PTPRD: variants seen among roughly 807,000 people sequenced by gnomAD.
The protein encoded by PTPRD is protein tyrosine phosphatase receptor type D.
In PTPRD, 34 loss-of-function variants were observed where a neutral mutation model predicts 214.5. The ratio of observed to expected loss-of-function variants is 0.16; its 90% CI spans 0.12 to 0.21. PTPRD has a LOEUF of 0.21. PTPRD is among the 10% of genes least tolerant of loss of function. The pLI is 1.00. For missense variants in PTPRD, 2,545 were observed against 2,398.7 expected (o/e 1.06, Z -1.27); for synonymous variants, 1,128 against 845.7 (o/e 1.33, Z -5.79).
intron 11 of PTPRD, among the ~76,000 whole-genome samples, chr9:8,998,486 T>C (rs1217106896): frequency 1.3e-4 from 20 of 152,024 alleles, no homozygotes. Context: ...TGAGACCTAC[T>C]GCTTAGAAAA....
At chr9:10,502,532 T>C (rs540668097) in intron 2 of PTPRD, among the ~76,000 whole-genome samples, 12 of 152,170 alleles carry the variant, frequency 7.9e-5, no homozygotes, top group Admixed American at 3.3e-4. Flanking sequence ...AGGTCAGATG[T>C]TCTCATAAGT....
chr9:10,172,638 G>A (rs1014199326), intron 3 of PTPRD, among the ~76,000 whole-genome samples: 1 of 152,136 alleles, frequency 6.6e-6, no homozygotes, highest in Non-Finnish European at 1.5e-5. Context: ...CTCATTTAAT[G>A]CTGAACTGAA....
chr9:8,811,541 G>C (rs940629126), intron 11 of PTPRD, among the ~76,000 whole-genome samples: 6 of 152,134 alleles, frequency 3.9e-5, no homozygotes, highest in African/African-American at 1.4e-4. Context: ...AAACAGTCCT[G>C]AGGTCACTAA....
chr9:8,730,774 G>A (rs1233112454), intron 12 of PTPRD, among the ~76,000 whole-genome samples: 1 of 152,124 alleles, frequency 6.6e-6, no homozygotes, highest in Non-Finnish European at 1.5e-5. Context: ...ACAGCCGAAT[G>A]GTTCTCGGAG....
At chr9:10,028,878 T>C (rs1259904652) in intron 4 of PTPRD, among the ~76,000 whole-genome samples, 2 of 151,898 alleles carry the variant, frequency 1.3e-5, no homozygotes, top group Admixed American at 1.3e-4. Context: ...ACCAAGACAA[T>C]GAGGAAAATG....
At chr9:9,888,583 T>C (rs75012663) in intron 5 of PTPRD, among the ~76,000 whole-genome samples, 1,688 of 152,220 alleles carry the variant, frequency 0.011, 24 homozygotes, top group African/African-American at 0.038. Context: ...AAAAATAGGC[T>C]GGCAATTCCT....
intron 2 of PTPRD, among the ~76,000 whole-genome samples, chr9:10,379,687 T>G (rs1586723089): frequency 6.6e-6 from 1 of 152,078 alleles, no homozygotes; most frequent in Non-Finnish European, 1.5e-5. Context: ...AAAGTATAAG[T>G]AAAAATTTCT....
At chr9:9,955,526 G>GTTTTTTTTT (rs779657484) in intron 4 of PTPRD, among the ~76,000 whole-genome samples, 1 of 134,024 alleles carries the variant, frequency 7.5e-6, no homozygotes, top group African/African-American at 2.6e-5. Context: ...GTTTTGTTTT[G>GTTTTTTTTT]TTTTTTTTTT....
At chr9:9,272,195 T>C (rs754686473) in intron 9 of PTPRD, among the ~76,000 whole-genome samples, 2 of 151,302 alleles carry the variant, frequency 1.3e-5, no homozygotes, top group Non-Finnish European at 3.0e-5. Context: ...GAGGGTCGTT[T>C]ATGTAATGAA....
At chr9:9,368,382 T>C (rs2058470459) in intron 9 of PTPRD, among the ~76,000 whole-genome samples, 1 of 151,842 alleles carries the variant, frequency 6.6e-6, no homozygotes, top group African/African-American at 2.4e-5. Flanking sequence ...TAAGTGTTAG[T>C]CCATTCATTC....
At chr9:10,334,929 T>C (rs972391140) in intron 3 of PTPRD, among the ~76,000 whole-genome samples, 2 of 151,658 alleles carry the variant, frequency 1.3e-5, no homozygotes, top group African/African-American at 2.4e-5. Context: ...GAAACTCTGA[T>C]GAAAGAAATT....
At chr9:8,545,815 G>A (rs1463019836) in intron 14 of PTPRD, among the ~76,000 whole-genome samples, 1 of 152,158 alleles carries the variant, frequency 6.6e-6, no homozygotes, top group Admixed American at 6.5e-5. Context: ...AGTTTTTCAA[G>A]TTTGAATTAT....
chr9:9,716,307 T>C (rs186935774), intron 7 of PTPRD, among the ~76,000 whole-genome samples: 1,806 of 152,002 alleles, frequency 0.012, 19 homozygotes, highest in Non-Finnish European at 0.019. Context: ...AGTGCTGTAA[T>C]AAACATACGT....
At chr9:9,262,287 G>C (rs570840427) in intron 9 of PTPRD, among the ~76,000 whole-genome samples, 3 of 150,338 alleles carry the variant, frequency 2.0e-5, no homozygotes, top group South Asian at 2.1e-4. Flanking sequence ...AATGACAGGG[G>C]CAATGAATTT....
At chr9:8,390,742 C>A (rs903569477) in intron 36 of PTPRD, among the ~76,000 whole-genome samples, 1 of 152,088 alleles carries the variant, frequency 6.6e-6, no homozygotes, top group Non-Finnish European at 1.5e-5. Flanking sequence ...ATTTGAGCTT[C>A]TTCCAAGAAG....
chr9:10,244,566 GA>G (rs1423256226), intron 3 of PTPRD, among the ~76,000 whole-genome samples: 2 of 143,334 alleles, frequency 1.4e-5, no homozygotes, highest in South Asian at 2.4e-4. Flanking sequence ...TAAGCAGGAG[GA>G]AAAAAATTCC....
At chr9:9,748,716 G>T (rs571057331) in intron 6 of PTPRD, among the ~76,000 whole-genome samples, 7 of 152,068 alleles carry the variant, frequency 4.6e-5, no homozygotes, top group African/African-American at 1.4e-4. Context: ...TCAGGCTTTC[G>T]TTTCTTTGGC....
intron 2 of PTPRD, among the ~76,000 whole-genome samples, chr9:10,584,282 A>G (rs373731237): frequency 3.9e-5 from 6 of 152,198 alleles, no homozygotes; most frequent in East Asian, 1.9e-4. Flanking sequence ...TTTGGCTCCT[A>G]TCCCAACATG....
intron 11 of PTPRD, among the ~76,000 whole-genome samples, chr9:8,840,631 A>G (rs750434109): frequency 6.6e-6 from 1 of 152,180 alleles, no homozygotes; most frequent in Non-Finnish European, 1.5e-5. Flanking sequence ...TTATATTTCT[A>G]TGCCTTTCCG....
Sources: allele counts gnomAD v4.1 joint callset (sites outside exome capture counted in the v4.1 genomes callset), GRCh38; gene constraint gnomAD v4.1.1; transcripts MANE v1.5; gene names NCBI Gene and HGNC (gene_info 2026-07-23, HGNC 2026-07-21).